CDH13: variants seen among roughly 807,000 people sequenced by gnomAD.
The protein encoded by CDH13 is cadherin 13, also known as cadherin-13.
A neutral mutation model predicts 63.8 loss-of-function variants in CDH13; 24 were observed. The ratio of observed to expected loss-of-function variants is 0.38; its 90% CI spans 0.27 to 0.53. The LOEUF (loss-of-function observed/expected upper bound fraction) is 0.53, where lower values mean the gene tolerates loss of function less well. Among genes scored for constraint, CDH13 ranks in the 20% least tolerant of loss-of-function variants. The pLI, the probability that CDH13 is intolerant of heterozygous loss-of-function variation, is 0.85. For synonymous variants in CDH13, 503 were observed against 355.3 expected (o/e 1.42, Z -4.67); for missense variants, 1,049 against 903.1 (o/e 1.16, Z -2.07).
In CDH13 at chr16:83,800,011, C is replaced by T. The variant is rs1291109947; in HGVS notation, c.*4981C>T. The T allele has an allele frequency of 1.3e-5, 2 of 152,118 alleles. No individual in the cohort carries two copies. Among genetic ancestry groups the T allele is most frequent in the African/African-American group, 2.4e-5 (1 of 41,412 alleles). 9.4% of individuals were successfully genotyped at this position (152,118 alleles called of 1,614,324 possible). A position where few individuals can be genotyped will look rare whatever the true frequency, so the allele number is the denominator to read the frequency against. ...TGAGATACTCATCAAATTAAGTAAG[C>T]GGAAAAATTTCCTCTCTCTCATACT... On this transcript the variant is annotated 3_prime_UTR_variant, in exon 14 of 14. Coordinates refer to ENST00000567109, the MANE Select transcript of CDH13 (RefSeq NM_001257.5).
At chr16:82,783,534 C>T (rs1183823913) in intron 1 of CDH13, among the ~76,000 whole-genome samples, 1 of 152,172 alleles carries the variant, frequency 6.6e-6, no homozygotes, top group Non-Finnish European at 1.5e-5. Context: ...GTGACAGCAG[C>T]CCTGAGGATG....
intron 1 of CDH13, among the ~76,000 whole-genome samples, chr16:82,658,261 C>T (rs1352777273): frequency 1.3e-5 from 2 of 152,182 alleles, no homozygotes; most frequent in Non-Finnish European, 2.9e-5. Context: ...GAATGTGGGG[C>T]AGGTATTATG....
chr16:83,479,975 G>A (rs949624536), intron 6 of CDH13, among the ~76,000 whole-genome samples: 8 of 152,182 alleles, frequency 5.3e-5, no homozygotes, highest in African/African-American at 1.7e-4. Context: ...GAGGCTCAGA[G>A]AGCATTGATT....
chr16:83,260,206 C>T (rs1187680627), intron 5 of CDH13, among the ~76,000 whole-genome samples: 1 of 150,970 alleles, frequency 6.6e-6, no homozygotes, highest in East Asian at 1.9e-4. Context: ...AGTTTCTCTT[C>T]TACTGTCGCT....
At chr16:83,691,123 A>G (rs979901818) in intron 10 of CDH13, among the ~76,000 whole-genome samples, 12 of 148,302 alleles carry the variant, frequency 8.1e-5, no homozygotes, top group Admixed American at 6.3e-4. Flanking sequence ...TGTGTGTCAG[A>G]GAGAGAGAGA....
intron 7 of CDH13, among the ~76,000 whole-genome samples, chr16:83,558,455 G>T (rs370425686): frequency 1.4e-4 from 21 of 152,318 alleles, no homozygotes; most frequent in Admixed American, 9.8e-4. Flanking sequence ...TGTGCCTTGG[G>T]TAGTATCACT....
intron 6 of CDH13, among the ~76,000 whole-genome samples, chr16:83,388,077 C>T (rs182410611): frequency 1.1e-4 from 16 of 152,110 alleles, no homozygotes; most frequent in Admixed American, 4.6e-4. Context: ...ACCAAGAATC[C>T]GGCATTGACA....
At chr16:83,092,372 G>A (rs1227320063) in intron 3 of CDH13, among the ~76,000 whole-genome samples, 2 of 152,138 alleles carry the variant, frequency 1.3e-5, no homozygotes, top group Non-Finnish European at 2.9e-5. Context: ...GATCATCTGG[G>A]CTCCTTGTAG....
chr16:83,093,230 C>G (rs1369228434), intron 3 of CDH13, among the ~76,000 whole-genome samples: 2 of 144,060 alleles, frequency 1.4e-5, no homozygotes, highest in African/African-American at 5.1e-5. Flanking sequence ...AAATAATTGA[C>G]TCTATCAGGT....
chr16:83,544,623 GA>G (rs2150658547), intron 7 of CDH13, among the ~76,000 whole-genome samples: 1 of 152,178 alleles, frequency 6.6e-6, no homozygotes, highest in East Asian at 1.9e-4. Flanking sequence ...TGCTAACCCA[GA>G]AAAAGACTAG....
At chr16:82,701,420 A>G (rs2031011483) in intron 1 of CDH13, among the ~76,000 whole-genome samples, 2 of 152,070 alleles carry the variant, frequency 1.3e-5, no homozygotes. Flanking sequence ...TTTGACATGC[A>G]TTGTCATTCT....
At chr16:83,616,164 A>G (rs572777579) in intron 8 of CDH13, among the ~76,000 whole-genome samples, 2 of 152,304 alleles carry the variant, frequency 1.3e-5, no homozygotes, top group African/African-American at 4.8e-5. Context: ...AATTGTTCAT[A>G]CACACAAGGA....
At chr16:82,633,201 C>G (rs1908231974) in intron 1 of CDH13, among the ~76,000 whole-genome samples, 1 of 152,216 alleles carries the variant, frequency 6.6e-6, no homozygotes, top group Admixed American at 6.5e-5. Context: ...CATGGCTGTC[C>G]TTGGAGAACA....
At chr16:83,255,910 T>C (rs1228646632) in intron 5 of CDH13, among the ~76,000 whole-genome samples, 35 of 152,140 alleles carry the variant, frequency 2.3e-4, no homozygotes, top group Non-Finnish European at 4.4e-5. Flanking sequence ...GCTTGGCACA[T>C]AGTTGGCATA....
intron 4 of CDH13, among the ~76,000 whole-genome samples, chr16:83,142,942 G>A (rs1242496661): frequency 6.6e-6 from 1 of 152,154 alleles, no homozygotes; most frequent in South Asian, 2.1e-4. Context: ...CGTATGTACT[G>A]AAAATACAAA....
intron 3 of CDH13, among the ~76,000 whole-genome samples, chr16:83,080,176 G>A (rs79405192): frequency 6.6e-6 from 1 of 152,066 alleles, no homozygotes; most frequent in Admixed American, 6.5e-5. Context: ...TTCTCTCTCG[G>A]TTCATCCATG....
intron 1 of CDH13, among the ~76,000 whole-genome samples, chr16:82,748,945 C>T (rs114665228): frequency 1.2e-4 from 18 of 152,268 alleles, no homozygotes; most frequent in African/African-American, 3.8e-4. Flanking sequence ...CCGGTCTCAG[C>T]GATTGATCTA....
chr16:82,781,076 A>AT (rs532375514), intron 1 of CDH13, among the ~76,000 whole-genome samples: 2 of 152,188 alleles, frequency 1.3e-5, no homozygotes, highest in East Asian at 1.9e-4. Flanking sequence ...CTAGGCATTG[A>AT]TTTTTTTTAA....
intron 4 of CDH13, among the ~76,000 whole-genome samples, chr16:83,175,334 A>G (rs2038081766): frequency 6.6e-6 from 1 of 152,156 alleles, no homozygotes; most frequent in Non-Finnish European, 1.5e-5. Flanking sequence ...TTATTAATAT[A>G]TTGATTAAAA....
Sources: gnomAD v4.1 joint callset for allele counts (sites outside exome capture counted in the v4.1 genomes callset) on GRCh38, gnomAD v4.1.1 for gene constraint, MANE v1.5 for transcripts, NCBI Gene and HGNC (gene_info 2026-07-23, HGNC 2026-07-21) for gene names.